Variants in HTT observed in about 807,000 individuals in gnomAD.
The protein encoded by HTT is huntingtin.
HTT carries 104 observed loss-of-function variants against 362.3 expected under a neutral mutation model. The ratio of observed to expected loss-of-function variants is 0.29; its 90% CI spans 0.24 to 0.34. HTT has a LOEUF of 0.34. Ranked by LOEUF, HTT falls within the 10% of genes least tolerant of loss-of-function variation. The pLI is 1.00. For synonymous variants in HTT, 1,577 were observed against 1,548.7 expected, an observed-to-expected ratio of 1.02 and a Z score of -0.43; for missense variants, 3,301 against 3,928.6, an observed-to-expected ratio of 0.84 and a Z score of 4.27.
chr4:3,153,841 T>C (rs1184303688), intron 26 of HTT, among the ~76,000 whole-genome samples: 1 of 152,104 alleles, frequency 6.6e-6, no homozygotes, highest in Non-Finnish European at 1.5e-5. Context: ...GGAGGATTGC[T>C]TGAGCCCAGG....
At chr4:3,236,116 A>C in intron 63 of HTT, 33 bp from the exon 64 acceptor site, 3 of 1,474,402 alleles carry the variant, frequency 2.0e-6, no homozygotes, top group South Asian at 1.1e-5. Flanking sequence ...GGTTGTATAG[A>C]GGTAACCTTC....
chr4:3,105,507 A>G, intron 5 of HTT, 71 bp downstream of exon 5: 1 of 1,044,234 alleles, frequency 9.6e-7, no homozygotes, highest in Non-Finnish European at 1.5e-6. Flanking sequence ...GTCTCAGCTC[A>G]GATGTCATTT....
chr4:3,084,939 G>A (rs781300629), intron 1 of HTT, among the ~76,000 whole-genome samples: 4 of 151,696 alleles, frequency 2.6e-5, no homozygotes, highest in African/African-American at 4.8e-5. Flanking sequence ...GTGTGAACCC[G>A]GGAGGCAGAG....
intron 33 of HTT, among the ~76,000 whole-genome samples, chr4:3,175,734 C>A (rs1578561581): frequency 6.6e-6 from 1 of 152,204 alleles, no homozygotes; most frequent in Admixed American, 6.5e-5. Context: ...CCTCAAGATT[C>A]GTCCCAGTTA....
At chr4:3,222,575 G>T in intron 54 of HTT, 88 bp downstream of exon 54, 2 of 958,766 alleles carry the variant, frequency 2.1e-6, no homozygotes, top group Non-Finnish European at 1.6e-6. Context: ...GCAGCAAGCT[G>T]GTGTTCTTTT....
At chr4:3,209,714 T>C in intron 46 of HTT, 113 bp from the exon 47 acceptor site, 1 of 1,339,504 alleles carries the variant, frequency 7.5e-7, no homozygotes, top group Non-Finnish European at 1.0e-6. Context: ...CCGGCAGCCC[T>C]CTCAGCCTAG....
intron 59 of HTT, among the ~76,000 whole-genome samples, chr4:3,229,595 CCACACCACACA>C (rs1480699977): frequency 6.6e-6 from 1 of 150,828 alleles, no homozygotes; most frequent in Non-Finnish European, 1.5e-5. Flanking sequence ...TATACACACC[CCACACCACACA>C]CACACCACTT....
intron 38 of HTT, among the ~76,000 whole-genome samples, chr4:3,187,346 G>A (rs1270380977): frequency 2.6e-5 from 4 of 151,938 alleles, no homozygotes; most frequent in Admixed American, 6.6e-5. Context: ...TAGTAGAGAC[G>A]GGGTTTCACT....
intron 2 of HTT, among the ~76,000 whole-genome samples, chr4:3,095,768 G>A (rs28820097): frequency 0.31 from 46,647 of 152,028 alleles, 8,352 homozygotes; most frequent in South Asian, 0.54. Context: ...GCACAACAAG[G>A]AATTATAGCT....
intron 27 of HTT, among the ~76,000 whole-genome samples, chr4:3,154,639 T>C (rs997833292): frequency 3.9e-5 from 6 of 152,232 alleles, no homozygotes; most frequent in Admixed American, 3.3e-4. Context: ...CTGGCTGACA[T>C]GCAGCCCCTA....
intron 2 of HTT, among the ~76,000 whole-genome samples, chr4:3,093,337 C>T (rs1713619777): frequency 1.3e-5 from 2 of 152,110 alleles, no homozygotes; most frequent in Admixed American, 6.5e-5. Flanking sequence ...GACTAAGTTT[C>T]GTTACTCTGA....
In HTT at chr4:3,218,017, G is replaced by C; in HGVS notation, c.7242+65G>C. The C allele has an allele frequency of 1.4e-6, 2 of 1,395,504 alleles. No homozygotes were observed. The highest frequency in any genetic ancestry group is 2.0e-6 in the Non-Finnish European group (2 of 1,025,238). The allele number at this position is 1,395,504 out of a possible 1,614,324, so 86.4% of individuals were successfully genotyped here. Reference sequence around the variant, plus strand: ...AAAGGCACCGGTAGGCCCTGGGCTGGGCACACGTGAGAGGGCGGGACAGAA... The same window carrying C: ...AAAGGCACCGGTAGGCCCTGGGCTGCGCACACGTGAGAGGGCGGGACAGAA... On this transcript the variant is annotated intron_variant, in intron 52 of 66. Transcript: ENST00000355072. This position sits in a 1 kb window ranked among gnomAD's most constrained non-coding sequence, Gnocchi z 4.4.
At chr4:3,171,394 G>A (rs1240341572) in intron 29 of HTT, among the ~76,000 whole-genome samples, 1 of 151,874 alleles carries the variant, frequency 6.6e-6, no homozygotes, top group East Asian at 1.9e-4. Context: ...GAAACAGGCT[G>A]TGCATTCTGA....
chr4:3,224,735 A>C (rs1276721424), intron 56 of HTT, among the ~76,000 whole-genome samples: 1 of 152,262 alleles, frequency 6.6e-6, no homozygotes, highest in African/African-American at 2.4e-5. Flanking sequence ...GTAGCTATTT[A>C]GGAGTTTAAG....
At position 3,235,406 on chromosome 4, in the gene HTT, G is replaced by T; in HGVS notation, c.8571+8G>T. The T allele has an allele frequency of 1.3e-6, 2 of 1,574,700 alleles. No homozygotes were observed. On this transcript the variant is annotated splice_region_variant and intron_variant, in intron 62 of 66. Transcript: ENST00000355072. ...TCAGCATCAATAATACAGGTGAGTGGGCCCTGGCTGTCTTCCTCTGCACAC... is the reference window on the plus strand; with the variant it reads ...TCAGCATCAATAATACAGGTGAGTGTGCCCTGGCTGTCTTCCTCTGCACAC...
At chr4:3,084,135 A>C (rs1200055533) in intron 1 of HTT, among the ~76,000 whole-genome samples, 2 of 150,110 alleles carry the variant, frequency 1.3e-5, no homozygotes, top group African/African-American at 2.4e-5. Context: ...GAGAAAAGAG[A>C]GGGAGGTGAA....
chr4:3,183,603 T>A (rs1329279351), intron 37 of HTT, among the ~76,000 whole-genome samples: 4 of 152,234 alleles, frequency 2.6e-5, no homozygotes, highest in African/African-American at 4.8e-5. Flanking sequence ...TGGAATGTTA[T>A]CTTGAGACCA....
chr4:3,166,145 A>T (rs991260295), intron 29 of HTT, among the ~76,000 whole-genome samples: 9 of 151,996 alleles, frequency 5.9e-5, no homozygotes, highest in African/African-American at 2.2e-4. Context: ...TCTGTTTGTT[A>T]GTTTTCCTTC....
intron 27 of HTT, among the ~76,000 whole-genome samples, chr4:3,155,557 A>G (rs1456344080): frequency 2.6e-5 from 4 of 151,224 alleles, no homozygotes; most frequent in Admixed American, 6.6e-5. Context: ...AAAATTGTAT[A>G]TATCTGTAAT....
Sources: allele counts gnomAD v4.1 joint callset (sites outside exome capture counted in the v4.1 genomes callset), GRCh38; gene constraint gnomAD v4.1.1; non-coding constraint Gnocchi (gnomAD v3.1); transcripts MANE v1.5; gene names NCBI Gene and HGNC (gene_info 2026-07-23, HGNC 2026-07-21).